Variants in SLC44A5 observed in about 807,000 individuals in gnomAD.
SLC44A5 encodes choline transporter-like protein 5.
SLC44A5 carries 57 observed loss-of-function variants against 101.8 expected under a neutral mutation model. The ratio of observed to expected loss-of-function variants is 0.56; its 90% CI spans 0.45 to 0.70. The LOEUF is 0.70. SLC44A5 is among the 30% of genes least tolerant of loss of function. The probability of loss-of-function intolerance (pLI) is 0.00; values close to 1 mark genes in which losing one functional copy is unlikely to be tolerated. For synonymous variants in SLC44A5, 281 were observed against 290.9 expected, an observed-to-expected ratio of 0.97 and a Z score of 0.35; for missense variants, 737 against 853.1, an observed-to-expected ratio of 0.86 and a Z score of 1.70.
At chr1:75,528,320 T>C (rs1279424187) in intron 2 of SLC44A5, among the ~76,000 whole-genome samples, 1 of 152,052 alleles carries the variant, frequency 6.6e-6, no homozygotes, top group Non-Finnish European at 1.5e-5. Flanking sequence ...CATTTCAGAA[T>C]ATTCAGGAAG....
At chr1:75,526,964 C>T (rs1231987032) in intron 2 of SLC44A5, among the ~76,000 whole-genome samples, 2 of 151,684 alleles carry the variant, frequency 1.3e-5, no homozygotes, top group East Asian at 3.9e-4. Flanking sequence ...TGAAACTCTG[C>T]CTCTACTAAA....
At position 75,350,086 on chromosome 1, in the gene SLC44A5, C is replaced by G. The variant is rs546771839; in HGVS notation, c.53-10456G>C. 2.6e-5 allele frequency among the ~76,000 whole-genome samples: 4 copies of G among 152,194 alleles called. No homozygotes were observed. In the South Asian group the frequency reaches 8.3e-4, roughly 32 times the overall value. ...TATATGTTGAAGTCCTACCGCGCCC[C>G]CCCCAACTCCAGCCCAACTATGATG... is the stretch of plus-strand genomic sequence containing the variant. On this transcript the variant is annotated intron_variant, in intron 3 of 23. Transcript: ENST00000370859.
At chr1:75,644,291 G>T in the SLC44A5 span, among the ~76,000 whole-genome samples, 2 of 151,988 alleles carry the variant, frequency 1.3e-5, no homozygotes, top group African/African-American at 4.8e-5. Context: ...TTAACCATAT[G>T]TGCATTTATG....
At chr1:75,641,758 C>A in the SLC44A5 span, 1 of 1,579,702 alleles carries the variant, frequency 6.3e-7, no homozygotes, top group East Asian at 2.2e-5. Flanking sequence ...CATAGGCAAC[C>A]ACTTTGTCCA....
At chr1:75,722,788 G>C in the SLC44A5 span, among the ~76,000 whole-genome samples, 2 of 152,288 alleles carry the variant, frequency 1.3e-5, no homozygotes, top group African/African-American at 4.8e-5. Context: ...TCACAATGAT[G>C]GTCTCAAGCA....
chr1:75,306,213 T>C (rs762398956), intron 4 of SLC44A5, among the ~76,000 whole-genome samples: 1 of 152,188 alleles, frequency 6.6e-6, no homozygotes, highest in Non-Finnish European at 1.5e-5. Context: ...CCATCTGGCC[T>C]GCAAAACCTA....
chr1:75,238,436 T>A, intron 10 of SLC44A5, 77 bp downstream of exon 10: 2 of 976,036 alleles, frequency 2.0e-6, no homozygotes, highest in Non-Finnish European at 2.8e-6. Context: ...CTATAACCCT[T>A]AACCCAATAG....
At chr1:75,283,660 A>T (rs891166397) in intron 5 of SLC44A5, among the ~76,000 whole-genome samples, 2 of 152,020 alleles carry the variant, frequency 1.3e-5, no homozygotes, top group African/African-American at 4.8e-5. Flanking sequence ...ATTCATCTTC[A>T]GTTGATTTTT....
the SLC44A5 span, among the ~76,000 whole-genome samples, chr1:75,701,526 T>C: frequency 6.6e-6 from 1 of 152,134 alleles, no homozygotes; most frequent in Non-Finnish European, 1.5e-5. Context: ...AAGAGCTATC[T>C]ATGACAAACC....
the SLC44A5 span, among the ~76,000 whole-genome samples, chr1:75,693,513 G>A: frequency 0.24 from 36,667 of 152,006 alleles, 4,745 homozygotes; most frequent in Non-Finnish European, 0.3. Context: ...ATACATTTGC[G>A]AATGGGTACT....
chr1:75,261,390 C>G (rs377134476), intron 6 of SLC44A5, among the ~76,000 whole-genome samples: 2 of 152,084 alleles, frequency 1.3e-5, no homozygotes, highest in Non-Finnish European at 2.9e-5. Flanking sequence ...ACTGTAAACA[C>G]CTCTACTCAA....
intron 2 of SLC44A5, among the ~76,000 whole-genome samples, chr1:75,536,443 CA>C (rs58913392): frequency 1.3e-5 from 2 of 149,748 alleles, no homozygotes; most frequent in Non-Finnish European, 1.5e-5. Flanking sequence ...ACTAAAAATA[CA>C]AAAAAAATTG....
intron 13 of SLC44A5, among the ~76,000 whole-genome samples, chr1:75,222,933 G>A (rs550940051): frequency 5.9e-5 from 9 of 152,130 alleles, no homozygotes; most frequent in African/African-American, 1.4e-4. Flanking sequence ...GTGACTCTTC[G>A]CACTATGGGC....
In SLC44A5 at chr1:75,243,020, G is replaced by A. The variant is rs138531870; in HGVS notation, c.346-9C>T. 4.8e-4 allele frequency: 770 copies of A among 1,608,346 alleles called. 5 individuals carry two copies. In the African/African-American group the frequency reaches 9.4e-3, roughly 20 times the overall value. On this transcript the variant is annotated splice_polypyrimidine_tract_variant and intron_variant, in intron 7 of 23. Coordinates refer to ENST00000370859, the MANE Select transcript of SLC44A5 (RefSeq NM_001130058.2). ...CACTTGGAGACACAGATCTGTGAACGAACAAAGTGATGAGAACTGAACTGA... is the reference window on the plus strand; with the variant it reads ...CACTTGGAGACACAGATCTGTGAACAAACAAAGTGATGAGAACTGAACTGA...
intron 2 of SLC44A5, among the ~76,000 whole-genome samples, chr1:75,407,892 A>G (rs1662986844): frequency 6.6e-6 from 1 of 152,270 alleles, no homozygotes; most frequent in African/African-American, 2.4e-5. Context: ...GTTTCTGCAC[A>G]GCAAAAGAAA....
chr1:75,242,314 G>A (rs1648705907), intron 8 of SLC44A5, among the ~76,000 whole-genome samples: 1 of 151,854 alleles, frequency 6.6e-6, no homozygotes, highest in African/African-American at 2.4e-5. Flanking sequence ...ACCTTTGGAG[G>A]TGTGTGTCTT....
intron 2 of SLC44A5, among the ~76,000 whole-genome samples, chr1:75,538,977 C>T (rs892114316): frequency 6.6e-6 from 1 of 152,140 alleles, no homozygotes; most frequent in Non-Finnish European, 1.5e-5. Context: ...CCCAGGAGCA[C>T]CATGGTTTTA....
chr1:75,572,193 C>T (rs1479905987), intron 1 of SLC44A5, among the ~76,000 whole-genome samples: 1 of 152,128 alleles, frequency 6.6e-6, no homozygotes, highest in African/African-American at 2.4e-5. Flanking sequence ...AGGGTGATGT[C>T]CATGGAACAG....
intron 3 of SLC44A5, among the ~76,000 whole-genome samples, chr1:75,376,762 A>C (rs980794684): frequency 7.2e-5 from 11 of 152,194 alleles, no homozygotes; most frequent in Non-Finnish European, 1.3e-4. Flanking sequence ...AAACTCTAAA[A>C]AGCAGAGCGC....
Sources: gnomAD v4.1 joint callset for allele counts (sites outside exome capture counted in the v4.1 genomes callset) on GRCh38, gnomAD v4.1.1 for gene constraint, MANE v1.5 for transcripts, NCBI Gene and HGNC (gene_info 2026-07-23, HGNC 2026-07-21) for gene names.